INTS6L: variants seen among roughly 807,000 people sequenced by gnomAD.
INTS6L encodes integrator complex subunit 6 like.
In INTS6L, 18 loss-of-function variants were observed where a neutral mutation model predicts 64.7. The observed-to-expected ratio is 0.28, with a 90% confidence interval of 0.19 to 0.41. The LOEUF (loss-of-function observed/expected upper bound fraction) is 0.41. INTS6L is among the 10% of genes least tolerant of loss of function. The pLI is 1.00. For synonymous variants in INTS6L, 227 were observed against 235.9 expected (o/e 0.96, Z 0.34); for missense variants, 533 against 661.0 (o/e 0.81, Z 2.12).
chrX:135,533,056 C>T (rs1037825659), intron 2 of INTS6L, among the ~76,000 whole-genome samples: 1 of 111,342 alleles, frequency 9.0e-6, no homozygotes, highest in Non-Finnish European at 1.9e-5. Context: ...CAGCCTGTGC[C>T]ACAAAGTGAG....
At chrX:135,529,112 G>C (rs1254309952) in intron 2 of INTS6L, among the ~76,000 whole-genome samples, 1 of 111,870 alleles carries the variant, frequency 8.9e-6, no homozygotes, top group Admixed American at 9.5e-5. Context: ...GAATGTAACT[G>C]CAGTAATTCA....
chrX:135,548,299 C>T (rs1414496831), intron 6 of INTS6L, among the ~76,000 whole-genome samples: 3 of 110,685 alleles, frequency 2.7e-5, no homozygotes, highest in African/African-American at 9.9e-5. Flanking sequence ...ATATAGACCC[C>T]TTTCCCTATA....
At chrX:135,548,731 CCTAGT>C (rs1275162283) in intron 6 of INTS6L, among the ~76,000 whole-genome samples, 1 of 111,247 alleles carries the variant, frequency 9.0e-6, no homozygotes, top group Non-Finnish European at 1.9e-5. Context: ...CATTAAATCT[CCTAGT>C]CTAAAGAAAT....
At chrX:135,558,933 G>A (rs5929663) in intron 9 of INTS6L, among the ~76,000 whole-genome samples, 13,269 of 107,548 alleles carry the variant, frequency 0.12, 875 homozygotes, top group Non-Finnish European at 0.19. Flanking sequence ...TTACAGGTGC[G>A]CACCACCACG....
intron 2 of INTS6L, among the ~76,000 whole-genome samples, chrX:135,540,969 A>T (rs2086202652): frequency 1.8e-5 from 2 of 111,562 alleles, no homozygotes; most frequent in Admixed American, 9.5e-5. Flanking sequence ...TTTGGTAGAG[A>T]CAGGGTCTTG....
rs1418384063 is a variant in INTS6L at position 135,556,385 on chromosome X, A to G, written c.1192+85A>G. 2.6e-5 allele frequency: 22 copies of G among 841,444 alleles called. No homozygotes were observed. The East Asian group carries it at 7.9e-4, about 30-fold the overall frequency. 69.3% of individuals were successfully genotyped at this position (841,444 alleles called of 1,213,427 possible). ...AATAGACTAAGCATTTTAAATGTAGATGACGGTAACAAATTGATTTGAAAG... is the reference window on the plus strand; with the variant it reads ...AATAGACTAAGCATTTTAAATGTAGGTGACGGTAACAAATTGATTTGAAAG... On this transcript the variant is annotated intron_variant, in intron 9 of 17. Transcript: ENST00000639893.
At chrX:135,538,769 G>A (rs917686346) in intron 2 of INTS6L, among the ~76,000 whole-genome samples, 12 of 112,407 alleles carry the variant, frequency 1.1e-4, no homozygotes, top group African/African-American at 3.9e-4. Context: ...GCTGCAGAAT[G>A]GATGTTGTGT....
At chrX:135,549,853 T>C (rs1402822850) in intron 7 of INTS6L, 48 bp downstream of exon 7, 4 of 1,183,858 alleles carry the variant, frequency 3.4e-6, no homozygotes, top group Non-Finnish European at 4.6e-6. Flanking sequence ...GATTTTCAAT[T>C]TTCTGATTAC....
intron 9 of INTS6L, among the ~76,000 whole-genome samples, chrX:135,560,944 T>TC (rs1556521933): frequency 1.2e-5 from 1 of 85,651 alleles, no homozygotes; most frequent in Non-Finnish European, 2.2e-5. Context: ...TTTCTTTTTT[T>TC]TTTTTCTTTT....
chrX:135,553,481 ATTT>A (rs1162273649), intron 8 of INTS6L, among the ~76,000 whole-genome samples: 5 of 80,780 alleles, frequency 6.2e-5, no homozygotes, highest in African/African-American at 8.5e-5. Flanking sequence ...AATTTTTTAA[ATTT>A]TTTTTTTTTT....
intron 2 of INTS6L, among the ~76,000 whole-genome samples, chrX:135,528,734 T>C (rs1441274418): frequency 5.4e-5 from 6 of 111,804 alleles, no homozygotes; most frequent in African/African-American, 2.0e-4. Flanking sequence ...AAATTCCATA[T>C]GTGAAATTTG....
intron 7 of INTS6L, among the ~76,000 whole-genome samples, chrX:135,551,649 AG>A (rs1556517030): frequency 1.8e-5 from 2 of 112,472 alleles, no homozygotes; most frequent in Non-Finnish European, 3.8e-5. Context: ...CAATTCTTGG[AG>A]GTCATAAAAT....
In INTS6L at chrX:135,553,427, C is replaced by G. The variant is rs376006187; in HGVS notation, c.1059+1281C>G. 6.7e-4 allele frequency among the ~76,000 whole-genome samples: 73 copies of G among 109,291 alleles called. 1 individual carries two copies. In the South Asian group the frequency reaches 0.026, roughly 39 times the overall value. The allele number at this position is 109,291 out of a possible 115,157, so 94.9% of individuals were successfully genotyped here. A position where few individuals can be genotyped will look rare whatever the true frequency, so the allele number is the denominator to read the frequency against. On this transcript the variant is annotated intron_variant, in intron 8 of 17. Transcript: ENST00000639893. ...AAGCGATCCTCCCACCTCAGCCCCCCACAGAGGAGCTAGGACTACAGGCAC... is the reference window on the plus strand; with the variant it reads ...AAGCGATCCTCCCACCTCAGCCCCCGACAGAGGAGCTAGGACTACAGGCAC...
At chrX:135,550,395 G>A (rs1556516637) in intron 7 of INTS6L, among the ~76,000 whole-genome samples, 1 of 106,513 alleles carries the variant, frequency 9.4e-6, no homozygotes, top group Non-Finnish European at 1.9e-5. Context: ...GAGAGGCTTT[G>A]CTATTACAGT....
intron 10 of INTS6L, chrX:135,569,832 C>G (rs896644329): frequency 1.8e-5 from 2 of 113,489 alleles, no homozygotes; most frequent in African/African-American, 3.2e-5. Flanking sequence ...ATTACAGTTG[C>G]CTATTGCCTC....
At chrX:135,553,053 G>T (rs2086543942) in intron 8 of INTS6L, among the ~76,000 whole-genome samples, 1 of 112,148 alleles carries the variant, frequency 8.9e-6, no homozygotes, top group African/African-American at 3.2e-5. Context: ...AAAGGAGCAG[G>T]ATTAAAGCAA....
At chrX:135,571,846 A>G (rs1325942455) in intron 11 of INTS6L, 1 of 111,836 alleles carries the variant, frequency 8.9e-6, no homozygotes, top group East Asian at 2.8e-4. Context: ...GGGCACATGT[A>G]TCATTTTACA....
chrX:135,521,857 C>T (rs2085582035), intron 2 of INTS6L, among the ~76,000 whole-genome samples: 1 of 109,373 alleles, frequency 9.1e-6, no homozygotes, highest in Admixed American at 9.5e-5. Context: ...CCCCTCCTTC[C>T]TCCCCCGGTC....
chrX:135,574,982 A>G (rs1269238409), intron 13 of INTS6L, 102 bp from the exon 14 acceptor site: 1 of 843,862 alleles, frequency 1.2e-6, no homozygotes, highest in African/African-American at 2.0e-5. Flanking sequence ...ATACTATTTG[A>G]TGCCAAGACA....
Sources: gnomAD v4.1 joint callset for allele counts (sites outside exome capture counted in the v4.1 genomes callset) on GRCh38, gnomAD v4.1.1 for gene constraint, MANE v1.5 for transcripts, NCBI Gene and HGNC (gene_info 2026-07-23, HGNC 2026-07-21) for gene names.